TBXAS1: variants seen among roughly 807,000 people sequenced by gnomAD.
TBXAS1 encodes thromboxane-A synthase.
Under a neutral mutation model 60.7 loss-of-function variants are expected in TBXAS1, and 48 were observed. The ratio of observed to expected loss-of-function variants is 0.79; its 90% CI spans 0.63 to 1.01. TBXAS1 has a LOEUF of 1.01. Ranked by LOEUF, TBXAS1 falls within the 50% of genes least tolerant of loss-of-function variation. The pLI, the probability that TBXAS1 is intolerant of heterozygous loss-of-function variation, is 0.00. For synonymous variants in TBXAS1, 287 were observed against 269.7 expected, an observed-to-expected ratio of 1.06 and a Z score of -0.63; for missense variants, 685 against 686.3, an observed-to-expected ratio of 1.00 and a Z score of 0.02.
At chr7:139,866,309 A>T (rs529606836) in intron 1 of TBXAS1, among the ~76,000 whole-genome samples, 5 of 152,242 alleles carry the variant, frequency 3.3e-5, no homozygotes, top group Non-Finnish European at 7.3e-5. Context: ...AAACACGCTA[A>T]GTATTTGACA....
chr7:139,984,244 T>G (rs10487667), intron 9 of TBXAS1, among the ~76,000 whole-genome samples: 40,054 of 151,938 alleles, frequency 0.26, 5,459 homozygotes, highest in South Asian at 0.41. Flanking sequence ...AATAACATAC[T>G]TAGCACATAG....
chr7:139,905,896 T>G (rs1451240872), intron 3 of TBXAS1, among the ~76,000 whole-genome samples: 1 of 152,178 alleles, frequency 6.6e-6, no homozygotes, highest in Non-Finnish European at 1.5e-5. Flanking sequence ...TATGTTTTAG[T>G]GTCAAGTCTA....
At chr7:139,881,455 T>TC (rs1569506922) in intron 3 of TBXAS1, among the ~76,000 whole-genome samples, 5 of 149,616 alleles carry the variant, frequency 3.3e-5, no homozygotes, top group Non-Finnish European at 5.9e-5. Context: ...ACACCCTTTT[T>TC]CCCCCCCTCC....
Position 139,809,034 on chromosome 7 carries a change from G to A in TBXAS1, c.-79-20278G>A, listed in dbSNP as rs117320899. The stretch of plus-strand genomic sequence containing the variant: ...GGGTAAACTCACCAAGCTGACTAGA[G>A]CAGTTTTAAGTATAAATTGTTTACT... On this transcript the variant is annotated intron_variant, in intron 4 of 16. Coordinates refer to the TBXAS1 transcript ENST00000336425. Among the ~76,000 whole-genome samples the A allele has an allele frequency of 5.5e-3, 826 of 150,760 alleles. 7 individuals are homozygous for A. Among genetic ancestry groups the A allele is most frequent in the South Asian group, 0.018 (84 of 4,774 alleles).
chr7:139,904,685 A>T (rs1804833995), intron 3 of TBXAS1, among the ~76,000 whole-genome samples: 2 of 152,070 alleles, frequency 1.3e-5, no homozygotes, highest in South Asian at 2.1e-4. Context: ...TATATTCCTA[A>T]GTATTTTTAT....
chr7:139,888,931 T>A (rs1803334881), intron 3 of TBXAS1, among the ~76,000 whole-genome samples: 1 of 122,062 alleles, frequency 8.2e-6, no homozygotes, highest in African/African-American at 3.5e-5. Context: ...TGGAATTGAG[T>A]TAAAAAAAAA....
intron 9 of TBXAS1, among the ~76,000 whole-genome samples, chr7:139,977,587 T>A (rs1811657647): frequency 6.6e-6 from 1 of 152,110 alleles, no homozygotes; most frequent in Non-Finnish European, 1.5e-5. Flanking sequence ...GGACGTTCCA[T>A]CACAGGCCCA....
At chr7:139,957,100 G>T (rs1044424928) in intron 7 of TBXAS1, among the ~76,000 whole-genome samples, 1 of 152,208 alleles carries the variant, frequency 6.6e-6, no homozygotes, top group African/African-American at 2.4e-5. Flanking sequence ...CCCAGGGGCC[G>T]GCAAGGGAGG....
intron 9 of TBXAS1, among the ~76,000 whole-genome samples, chr7:139,965,955 A>C (rs1355802784): frequency 1.3e-5 from 2 of 151,430 alleles, no homozygotes; most frequent in African/African-American, 4.9e-5. Context: ...ATGGAAATGC[A>C]GATTAGATGT....
chr7:139,919,279 T>C (rs1806257753), intron 4 of TBXAS1, among the ~76,000 whole-genome samples: 1 of 152,218 alleles, frequency 6.6e-6, no homozygotes, highest in Non-Finnish European at 1.5e-5. Context: ...GAAACAACGT[T>C]TGTAACAGTG....
intron 9 of TBXAS1, among the ~76,000 whole-genome samples, chr7:140,006,222 C>T (rs1034047736): frequency 6.6e-6 from 1 of 152,206 alleles, no homozygotes; most frequent in Non-Finnish European, 1.5e-5. Flanking sequence ...ATAACTCATT[C>T]CACCTCTGTG....
At chr7:139,917,655 T>C (rs575924535) in intron 4 of TBXAS1, among the ~76,000 whole-genome samples, 1 of 152,244 alleles carries the variant, frequency 6.6e-6, no homozygotes, top group Non-Finnish European at 1.5e-5. Flanking sequence ...TTAAAAGTAC[T>C]GAGTGTCTTG....
intron 4 of TBXAS1, among the ~76,000 whole-genome samples, chr7:139,925,723 G>C (rs1175607868): frequency 6.6e-6 from 1 of 152,166 alleles, no homozygotes; most frequent in East Asian, 1.9e-4. Context: ...TCATGTTCCA[G>C]ATCTTGGAGG....
chr7:139,841,119 G>C (rs753908060), intron 1 of TBXAS1, among the ~76,000 whole-genome samples: 1 of 152,224 alleles, frequency 6.6e-6, no homozygotes, highest in Non-Finnish European at 1.5e-5. Context: ...GTGGCAAGGA[G>C]CCCAGAAATA....
chr7:140,012,490 T>C (rs1376316132), intron 10 of TBXAS1, among the ~76,000 whole-genome samples: 3 of 148,352 alleles, frequency 2.0e-5, no homozygotes, highest in African/African-American at 5.0e-5. Flanking sequence ...TGAGACGGAG[T>C]CTCGCTCTGT....
intron 3 of TBXAS1, among the ~76,000 whole-genome samples, chr7:139,786,595 T>C (rs10244528): frequency 0.11 from 17,407 of 151,760 alleles, 3,258 homozygotes; most frequent in African/African-American, 0.4. Context: ...TTTCACTCTA[T>C]GTGGAAGACA....
chr7:139,870,440 TA>T lies in TBXAS1; in HGVS notation c.90-1792del, dbSNP rs147203156. ...AACATAGACACGAATTTGAGGATGTTAAAGAAAGTGTTAAGTGGGCTGGTAA... is the reference window on the plus strand; with the variant it reads ...AACATAGACACGAATTTGAGGATGTTAAGAAAGTGTTAAGTGGGCTGGTAA... On this transcript the variant is annotated intron_variant, in intron 1 of 12. Coordinates refer to ENST00000448866, the MANE Select transcript of TBXAS1 (RefSeq NM_001061.7). Among the ~76,000 whole-genome samples, 10 of 152,296 alleles carry T rather than the reference TA, an allele frequency of 6.6e-5. 1 individual carries two copies. In the East Asian group the frequency reaches 1.9e-3, roughly 29 times the overall value.
At position 140,015,852 on chromosome 7, in the gene TBXAS1, C is replaced by A. The variant is rs775043078; in HGVS notation, c.1356C>A (p.Asn452Lys). Reference protein sequence around the residue: ...PEHWPSPETFNPERFTAEARQ... With the variant: ...PEHWPSPETFKPERFTAEARQ... Reference sequence around the variant, plus strand: ...ACTGGCCAAGCCCGGAGACCTTCAACCCTGAAAGGTGAGTACTGCCCCTTT... The same window carrying A: ...ACTGGCCAAGCCCGGAGACCTTCAAACCTGAAAGGTGAGTACTGCCCCTTT... The change falls in exon 11 of 13, where the codon AAC becomes AAA. Residue 452 changes from asparagine to lysine, a missense_variant. Physicochemically the swap from Asn to Lys is moderately conservative, Grantham distance 94 (BLOSUM62 0). Transcript: ENST00000448866. 6.8e-6 allele frequency: 11 copies of A among 1,613,750 alleles called. No individual in the cohort carries two copies. The highest frequency in any genetic ancestry group is 9.3e-6 in the Non-Finnish European group (11 of 1,180,042).
At chr7:140,006,277 G>A (rs1306061827) in intron 9 of TBXAS1, among the ~76,000 whole-genome samples, 1 of 152,102 alleles carries the variant, frequency 6.6e-6, no homozygotes, top group Non-Finnish European at 1.5e-5. Context: ...ATCCCAGTGC[G>A]CCCACACCCT....
Sources: gnomAD v4.1 joint callset for allele counts (sites outside exome capture counted in the v4.1 genomes callset) on GRCh38, gnomAD v4.1.1 for gene constraint, MANE v1.5 for transcripts, NCBI Gene and HGNC (gene_info 2026-07-23, HGNC 2026-07-21) for gene names.